Variants in CP observed in about 807,000 individuals in gnomAD.
CP encodes caeruloplasmin.
CP carries 64 observed loss-of-function variants against 122.4 expected under a neutral mutation model. That is an observed-to-expected ratio of 0.52 (90% CI 0.43 to 0.64). The LOEUF is 0.64. CP is among the 30% of genes least tolerant of loss of function. The probability of loss-of-function intolerance (pLI) is 0.00; values close to 1 mark genes in which losing one functional copy is unlikely to be tolerated. For missense variants in CP, 1,167 were observed against 1,284.4 expected (o/e 0.91, Z 1.40); for synonymous variants, 440 against 436.4 (o/e 1.01, Z -0.10).
chr3:149,195,746 G>A (rs916098321), intron 9 of CP, among the ~76,000 whole-genome samples: 2 of 152,022 alleles, frequency 1.3e-5, no homozygotes, highest in Admixed American at 6.5e-5. Context: ...GGCGCCTGTA[G>A]TCCCAGCTAC....
rs10631065 is a variant in CP at position 149,201,107 on chromosome 3, G to GGATTGATTGATT, written c.1348+983_1348+994dup. ...TCCTGCTTGTTTCATTAGTAGCCTG[G>GGATTGATTGATT]GATTGATTGATTGATTGATTGATTG... On this transcript the variant is annotated intron_variant, in intron 7 of 18. Transcript: ENST00000264613. 1.5e-4 allele frequency among the ~76,000 whole-genome samples: 22 copies of GGATTGATTGATT among 151,604 alleles called. 1 individual carries two copies. The highest frequency in any genetic ancestry group is 5.1e-4 in the African/African-American group (21 of 41,268).
chr3:149,196,467 CA>C (rs201389651), intron 9 of CP, among the ~76,000 whole-genome samples: 11 of 151,048 alleles, frequency 7.3e-5, no homozygotes, highest in African/African-American at 9.7e-5. Context: ...AAATCCTCAC[CA>C]AAAAAAACAA....
chr3:149,189,966 T>C (rs1033764330), intron 9 of CP, among the ~76,000 whole-genome samples: 1 of 152,100 alleles, frequency 6.6e-6, no homozygotes, highest in Non-Finnish European at 1.5e-5. Context: ...TAAAGAAAAA[T>C]GTATAGAATG....
downstream of CP, among the ~76,000 whole-genome samples, chr3:149,171,486 T>G (rs1724984109): frequency 6.6e-6 from 1 of 152,190 alleles, no homozygotes; most frequent in Non-Finnish European, 1.5e-5. Flanking sequence ...CAAATGATTG[T>G]ACTTTTCTTT....
At chr3:149,220,866 A>G (rs1400644636) in intron 1 of CP, among the ~76,000 whole-genome samples, 1 of 152,190 alleles carries the variant, frequency 6.6e-6, no homozygotes, top group Admixed American at 6.5e-5. Context: ...TAACATCATT[A>G]AAAGTGAAGA....
In CP at chr3:149,207,355, T is replaced by C. The variant is rs369718195; in HGVS notation, c.1036+8A>G. 5.6e-6 allele frequency: 9 copies of C among 1,613,748 alleles called. No homozygotes were observed. Among genetic ancestry groups the C allele is most frequent in the Non-Finnish European group, 7.6e-6 (9 of 1,179,764 alleles). ...GCTGACTGCTAATTTCAGGTAAAGA[T>C]GTCCTACCTTTCAGATGGTTTAGAT... On this transcript the variant is annotated splice_region_variant and intron_variant, in intron 5 of 18. Coordinates refer to ENST00000264613, the MANE Select transcript of CP (RefSeq NM_000096.4).
intron 9 of CP, among the ~76,000 whole-genome samples, chr3:149,193,722 T>A (rs1726703160): frequency 6.6e-6 from 1 of 152,232 alleles, no homozygotes; most frequent in Admixed American, 6.5e-5. Context: ...TAATACATTT[T>A]AGCTTACCCA....
intron 18 of CP, 119 bp downstream of exon 18, chr3:149,176,131 C>G: frequency 3.1e-6 from 3 of 972,314 alleles, no homozygotes; most frequent in Non-Finnish European, 4.8e-6. Flanking sequence ...GAAATCAGGG[C>G]AGCAGATTCA....
At position 149,207,590 on chromosome 3, in the gene CP, A is replaced by G. The variant is rs760359106; in HGVS notation, c.809T>C (p.Leu270Pro). The G allele has an allele frequency of 8.1e-6, 13 of 1,613,986 alleles. No individual in the cohort carries two copies. Among genetic ancestry groups the G allele is most frequent in the Non-Finnish European group, 1.0e-5 (12 of 1,179,834 alleles). The change falls in exon 5 of 19, where the codon CTC becomes CCC. Residue 270 changes from leucine (L) to proline (P), a missense_variant. This residue lies in a region of CP where 642 missense variants were observed against 627.3 expected (regional missense o/e 1.02). Coordinates refer to ENST00000264613, the MANE Select transcript of CP (RefSeq NM_000096.4). ...YSVNGYTFGS[L>P]PGLSMCAEDR... is the part of the protein sequence containing the mutation. The stretch of plus-strand genomic sequence containing the variant: ...TTCAGCACACATGGAGAGTCCTGGG[A>G]GACTTCCAAAAGTGTATCCATTCAC...
intron 1 of CP, among the ~76,000 whole-genome samples, chr3:149,215,386 T>C (rs1421980488): frequency 6.6e-6 from 1 of 152,216 alleles, no homozygotes; most frequent in Admixed American, 6.5e-5. Flanking sequence ...AACTAATTTT[T>C]CTAGGCAAAG....
chr3:149,217,387 A>G (rs1392402805), intron 1 of CP, among the ~76,000 whole-genome samples: 1 of 152,198 alleles, frequency 6.6e-6, no homozygotes, highest in East Asian at 1.9e-4. Flanking sequence ...TTGGGTTCCT[A>G]CGTAAGCAAA....
Position 149,173,083 on chromosome 3 carries a change from C to T in CP, c.*631G>A, listed in dbSNP as rs532884243. 6.6e-6 allele frequency: 1 copy of T among 152,428 alleles called. No individual in the cohort carries two copies. The highest frequency in any genetic ancestry group is 2.1e-4 in the South Asian group (1 of 4,828). The allele number at this position is 152,428 out of a possible 1,614,324, so 9.4% of individuals were successfully genotyped here. On this transcript the variant is annotated 3_prime_UTR_variant, in exon 19 of 19. Transcript: ENST00000264613. ...AATTCTACTCATGTGACATCTGCCA[C>T]AGGTCTATTTTGAAGCTTTTCTTCT...
At position 149,212,292 on chromosome 3, in the gene CP, C is replaced by A. The variant is rs34626625; in HGVS notation, c.394+159G>T. The stretch of plus-strand genomic sequence containing the variant: ...TGCCACTGCACTCCAGCCTGGGTGA[C>A]AGAAGTCAAAAAAAATTAAAAAAAA... On this transcript the variant is annotated intron_variant, in intron 2 of 18. Coordinates refer to ENST00000264613, the MANE Select transcript of CP (RefSeq NM_000096.4). Among the ~76,000 whole-genome samples, 14,016 of 149,416 alleles carry A rather than the reference C, an allele frequency of 0.094. 1,048 individuals are homozygous for A. The highest frequency in any genetic ancestry group is 0.38 in the East Asian group (1,945 of 5,120).
In CP at chr3:149,212,467, G is replaced by A. The variant is rs777622398; in HGVS notation, c.378C>T (p.Tyr126=). The A allele has an allele frequency of 6.2e-7, 1 of 1,613,946 alleles. No individual in the cohort carries two copies. Among genetic ancestry groups the A allele is most frequent in the Admixed American group, 1.7e-5 (1 of 60,020 alleles). Residue 126 remains tyrosine, a synonymous_variant, in exon 2 of 19, where the codon TAC becomes TAT. Coordinates refer to ENST00000264613, the MANE Select transcript of CP (RefSeq NM_000096.4). ...PYTFHSHGIT[Y]YKEHEGAIYP... The stretch of plus-strand genomic sequence containing the variant: ...TGAACTTACCCTCATGTTCCTTATA[G>A]TAAGTTATTCCATGTGAATGAAAGG...
chr3:149,209,550 T>C (rs1237440238), intron 3 of CP, among the ~76,000 whole-genome samples, 166 bp from the exon 4 acceptor site: 1 of 152,214 alleles, frequency 6.6e-6, no homozygotes, highest in Non-Finnish European at 1.5e-5. Context: ...ACTCAGGGAA[T>C]TTTTATGATC....
At chr3:149,217,291 T>G (rs1728526636) in intron 1 of CP, among the ~76,000 whole-genome samples, 1 of 152,164 alleles carries the variant, frequency 6.6e-6, no homozygotes, top group African/African-American at 2.4e-5. Context: ...TGTACCTATT[T>G]AAGAATCATT....
At chr3:149,179,863 A>G in intron 14 of CP, 1 of 548,854 alleles carries the variant, frequency 1.8e-6, no homozygotes, top group Non-Finnish European at 3.3e-6. Flanking sequence ...TGGAAGACAA[A>G]ATTTTGTCAT....
intron 1 of CP, 133 bp from the exon 2 acceptor site, chr3:149,212,831 T>G: frequency 8.9e-7 from 1 of 1,123,386 alleles, no homozygotes. Context: ...GTTGTAGGGA[T>G]GCCTCCAAAA....
Position 149,199,783 on chromosome 3 carries a change from G to A in CP, c.1430C>T (p.Pro477Leu), listed in dbSNP as rs35331711. 5,801 of 1,614,060 alleles carry A rather than the reference G, an allele frequency of 3.6e-3. 16 individuals are homozygous for A. Among genetic ancestry groups the A allele is most frequent in the Non-Finnish European group, 4.5e-3 (5,320 of 1,179,970 alleles). ...NKGAYPLSIE[P>L]IGVRFNKNNE... ...GTTCTTATTGAATCTCACCCCAATCGGCTCAATACTGAGGGGATATGCTCC... is the reference window on the plus strand; with the variant it reads ...GTTCTTATTGAATCTCACCCCAATCAGCTCAATACTGAGGGGATATGCTCC... The change falls in exon 8 of 19, where the codon CCG (proline) becomes CTG (leucine). Residue 477 changes from proline to leucine, a missense_variant. This residue lies in a region of CP where 642 missense variants were observed against 627.3 expected (regional missense o/e 1.02). Transcript: ENST00000264613.
Sources: allele counts gnomAD v4.1 joint callset (sites outside exome capture counted in the v4.1 genomes callset), GRCh38; gene constraint gnomAD v4.1.1; regional missense constraint gnomAD v4.1.1; transcripts MANE v1.5; gene names NCBI Gene and HGNC (gene_info 2026-07-23, HGNC 2026-07-21).